ADSL: variants seen among roughly 807,000 people sequenced by gnomAD.
ADSL encodes adenylosuccinate lyase, also known as adenylosuccinase.
A neutral mutation model predicts 62.1 loss-of-function variants in ADSL; 44 were observed. The ratio of observed to expected loss-of-function variants is 0.71; its 90% confidence interval spans 0.56 to 0.91. The LOEUF (loss-of-function observed/expected upper bound fraction) is 0.91, where lower values mean the gene tolerates loss of function less well. ADSL is among the 40% of genes least tolerant of loss of function. ADSL has a pLI of 0.00. For synonymous variants in ADSL, 198 were observed against 220.5 expected (o/e 0.90, Z 0.90); for missense variants, 531 against 627.4 (o/e 0.85, Z 1.64).
rs763852823 is a variant in ADSL, at chr22:40,349,952, G to A, written c.274G>A (p.Val92Met). 5.0e-6 allele frequency: 8 copies of A among 1,614,022 alleles called. No individual in the cohort carries two copies. The African/African-American group carries it at 5.3e-5, about 11-fold the overall frequency. ...KRLRHDVMAH[V>M]HTFGHCCPKA... ...TTTACGACATGATGTGATGGCTCACGTGCACACATTTGGCCACTGCTGTCC... is the reference window on the plus strand; with the variant it reads ...TTTACGACATGATGTGATGGCTCACATGCACACATTTGGCCACTGCTGTCC... Residue 92 changes from valine to methionine, a missense_variant, in exon 2 of 13, where the codon GTG becomes ATG. Coordinates refer to ENST00000623063, the MANE Select transcript of ADSL (RefSeq NM_000026.4).
Position 40,367,580 on chromosome 22 carries a change from A to C in ADSL, c.*1058A>C, listed in dbSNP as rs2045042820. The C allele has an allele frequency of 1.2e-5, 2 of 167,546 alleles. No homozygotes were observed. The highest frequency in any genetic ancestry group is 4.8e-5 in the African/African-American group (2 of 41,442). The allele number at this position is 167,546 out of a possible 1,614,324, so 10.4% of individuals were successfully genotyped here. A position where few individuals can be genotyped will look rare whatever the true frequency, so the allele number is the denominator to read the frequency against. On this transcript the variant is annotated 3_prime_UTR_variant, in exon 13 of 13. Transcript: ENST00000623063. Reference sequence around the variant, plus strand: ...ACTAGGCAGTCTTCCAGCTTCTGCCACTGCGCCCGACTTCCTTGTTGCATG... The same window carrying C: ...ACTAGGCAGTCTTCCAGCTTCTGCCCCTGCGCCCGACTTCCTTGTTGCATG...
intron 2 of ADSL, among the ~76,000 whole-genome samples, chr22:40,351,524 C>T (rs1449692402): frequency 6.6e-6 from 1 of 151,982 alleles, no homozygotes; most frequent in African/African-American, 2.4e-5. Context: ...CCAGAATGGC[C>T]TTGAACTCCT....
At chr22:40,353,621 C>CTTTT (rs772788908) in intron 3 of ADSL, among the ~76,000 whole-genome samples, 14 of 114,798 alleles carry the variant, frequency 1.2e-4, no homozygotes, top group Non-Finnish European at 1.9e-4. Context: ...AAAGCATAGC[C>CTTTT]TTTTTTTTTT....
chr22:40,353,398 C>T lies in ADSL; in HGVS notation c.402+281C>T, dbSNP rs12160297. On this transcript the variant is annotated intron_variant, in intron 3 of 12. Transcript: ENST00000623063. ...ACCTCCGCCTCCCAGGCTCAGACAGCTCTCCTGTCTCAGTCTCCCAAGTAG... is the reference window on the plus strand; with the variant it reads ...ACCTCCGCCTCCCAGGCTCAGACAGTTCTCCTGTCTCAGTCTCCCAAGTAG... The T allele has an allele frequency of 9.1e-3, 6,421 of 702,284 alleles. 299 individuals are homozygous for T. The African/African-American group carries it at 0.098, about 11-fold the overall frequency. 43.5% of individuals were successfully genotyped at this position (702,284 alleles called of 1,614,324 possible).
intron 7 of ADSL, among the ~76,000 whole-genome samples, chr22:40,360,792 G>A (rs1237940697): frequency 2.0e-5 from 3 of 150,014 alleles, no homozygotes; most frequent in South Asian, 4.2e-4. Flanking sequence ...GTATGATCTC[G>A]GCTCACTGCA....
At position 40,368,781 on chromosome 22, in the gene ADSL, G is replaced by A. The variant is rs2045079418; in HGVS notation, c.*2259G>A. On this transcript the variant is annotated 3_prime_UTR_variant, in exon 13 of 13. Transcript: ENST00000623063. ...GTCTCTACTAAAAATACAATCAACC[G>A]GGCGTGGTGGCAGGCGCCTATAGTC... The A allele has an allele frequency of 6.6e-6, 1 of 152,086 alleles. No homozygotes were observed. Among genetic ancestry groups the A allele is most frequent in the East Asian group, 1.9e-4 (1 of 5,170 alleles). 9.4% of individuals were successfully genotyped at this position (152,086 alleles called of 1,614,324 possible). A position where few individuals can be genotyped will look rare whatever the true frequency, so the allele number is the denominator to read the frequency against.
At chr22:40,347,713 G>C (rs2044194834) in intron 1 of ADSL, among the ~76,000 whole-genome samples, 2 of 152,152 alleles carry the variant, frequency 1.3e-5, no homozygotes, top group South Asian at 2.1e-4. Context: ...TGCCTTCTGA[G>C]ACCCAGGTCT....
At chr22:40,377,564 C>T (rs893475584) in intron 2 of ADSL, among the ~76,000 whole-genome samples, 1 of 152,056 alleles carries the variant, frequency 6.6e-6, no homozygotes, top group African/African-American at 2.4e-5. Flanking sequence ...GGCCTGGTGT[C>T]GTGGCTCACG....
At chr22:40,358,357 G>T (rs942567463) in intron 4 of ADSL, among the ~76,000 whole-genome samples, 1 of 152,124 alleles carries the variant, frequency 6.6e-6, no homozygotes, top group Non-Finnish European at 1.5e-5. Context: ...GCTGAAGTAG[G>T]TGGATCGCTT....
chr22:40,364,141 G>A (rs921905069), intron 10 of ADSL, 135 bp from the exon 11 acceptor site: 26 of 738,650 alleles, frequency 3.5e-5, no homozygotes, highest in Non-Finnish European at 5.5e-5. Context: ...ACATCATATA[G>A]AATAAAACAA....
intron 1 of ADSL, chr22:40,348,656 C>T (rs2044235254): frequency 2.5e-6 from 1 of 398,594 alleles, no homozygotes. Flanking sequence ...TGTGAGCCAC[C>T]ATACCTGGCC....
intron 10 of ADSL, among the ~76,000 whole-genome samples, 185 bp from the exon 11 acceptor site, chr22:40,364,087 GAAAA>G (rs759038192): frequency 1.4e-5 from 2 of 145,548 alleles, no homozygotes; most frequent in Non-Finnish European, 3.1e-5. Context: ...AAAAAAAAAA[GAAAA>G]AAAAAATCCG....
chr22:40,380,262 T>C (rs1416356844), intron 2 of ADSL, among the ~76,000 whole-genome samples: 1 of 152,218 alleles, frequency 6.6e-6, no homozygotes, highest in Non-Finnish European at 1.5e-5. Flanking sequence ...ATTACACTTA[T>C]CTGCACCACC....
Position 40,361,293 on chromosome 22 carries a change from C to T in ADSL, c.813C>T (p.Leu271=), listed in dbSNP as rs2044776779. The change falls in exon 8 of 13, where the codon CTC becomes CTT. Residue 271 remains leucine (L), a synonymous_variant. Coordinates refer to ENST00000623063, the MANE Select transcript of ADSL (RefSeq NM_000026.4). ...CCCAGATTTGCACCGACATACGCCTCCTGGCAAACCTCAAGGAGATGGAGG... is the reference window on the plus strand; with the variant it reads ...CCCAGATTTGCACCGACATACGCCTTCTGGCAAACCTCAAGGAGATGGAGG... The part of the protein sequence containing the change: ...SVHKICTDIR[L]LANLKEMEEP... The T allele has an allele frequency of 6.2e-7, 1 of 1,614,188 alleles. No homozygotes were observed. Among genetic ancestry groups the T allele is most frequent in the East Asian group, 2.2e-5 (1 of 44,882 alleles).
chr22:40,387,407 G>A (rs2048653384), intron 2 of ADSL: 1 of 386,302 alleles, frequency 2.6e-6, no homozygotes, highest in East Asian at 3.7e-5. Context: ...ATGTAAAGAT[G>A]AGATAGTTTG....
chr22:40,348,448 A>G (rs2044224108), intron 1 of ADSL: 1 of 398,576 alleles, frequency 2.5e-6, no homozygotes, highest in Non-Finnish European at 4.4e-6. Context: ...CAGTGGCACA[A>G]TCTTGGCTCG....
chr22:40,383,187 G>T (rs564094464), intron 2 of ADSL, among the ~76,000 whole-genome samples: 23 of 152,222 alleles, frequency 1.5e-4, no homozygotes, highest in Middle Eastern at 3.4e-3. Flanking sequence ...AGTAGGAACG[G>T]CCGGGTGCAG....
intron 2 of ADSL, among the ~76,000 whole-genome samples, chr22:40,382,822 T>C (rs771234466): frequency 1.3e-5 from 2 of 152,234 alleles, no homozygotes; most frequent in Non-Finnish European, 2.9e-5. Context: ...TTTTCACTTA[T>C]TCTGCAGGTA....
downstream of ADSL, chr22:40,373,461 G>A (rs1400184561): frequency 2.0e-5 from 3 of 152,026 alleles, no homozygotes; most frequent in Non-Finnish European, 4.4e-5. Flanking sequence ...TCCTCTCAAC[G>A]ATTTATTGAA....
Sources: gnomAD v4.1 joint callset for allele counts (sites outside exome capture counted in the v4.1 genomes callset) on GRCh38, gnomAD v4.1.1 for gene constraint, MANE v1.5 for transcripts, NCBI Gene and HGNC (gene_info 2026-07-23, HGNC 2026-07-21) for gene names.